NR3C2: variants seen among roughly 807,000 people sequenced by gnomAD.
NR3C2 encodes the protein mineralocorticoid receptor.
In NR3C2, 15 loss-of-function variants were observed where a neutral mutation model predicts 86.4. The observed-to-expected ratio is 0.17, with a 90% CI of 0.12 to 0.27. NR3C2 has a LOEUF of 0.27. Ranked by LOEUF, NR3C2 falls within the 10% of genes least tolerant of loss-of-function variation. NR3C2 has a pLI of 1.00. For missense variants in NR3C2, 960 were observed against 1,195.6 expected (o/e 0.80, Z 2.91); for synonymous variants, 458 against 450.5 (o/e 1.02, Z -0.21).
chr4:148,215,886 T>C (rs1579023458), intron 3 of NR3C2, among the ~76,000 whole-genome samples: 1 of 150,918 alleles, frequency 6.6e-6, no homozygotes, highest in African/African-American at 2.4e-5. Context: ...TTCAACCAAT[T>C]CCCCTGCCTC....
chr4:148,104,342 G>GTTTTGGTTTGGT (rs1731688382), intron 8 of NR3C2, among the ~76,000 whole-genome samples: 1 of 63,794 alleles, frequency 1.6e-5, no homozygotes, highest in African/African-American at 5.5e-5. Context: ...TTTTGGTTTG[G>GTTTTGGTTTGGT]TTTTTTTTTT....
At chr4:148,237,384 C>T (rs1489487455) in intron 3 of NR3C2, among the ~76,000 whole-genome samples, 1 of 152,132 alleles carries the variant, frequency 6.6e-6, no homozygotes. Context: ...TTTAGCTAGT[C>T]CTAGAATTTA....
chr4:148,382,783 A>G (rs1747064759), intron 2 of NR3C2, among the ~76,000 whole-genome samples: 1 of 152,192 alleles, frequency 6.6e-6, no homozygotes, highest in African/African-American at 2.4e-5. Flanking sequence ...CAACTAAGAG[A>G]TCTGTTTTGG....
chr4:148,180,818 G>T (rs1300435827), intron 4 of NR3C2, among the ~76,000 whole-genome samples: 1 of 152,086 alleles, frequency 6.6e-6, no homozygotes, highest in Non-Finnish European at 1.5e-5. Context: ...GCATTATGTG[G>T]ATGTATTCTA....
chr4:148,445,312 C>T (rs551887671), upstream of NR3C2, among the ~76,000 whole-genome samples: 5 of 151,776 alleles, frequency 3.3e-5, 1 homozygote, highest in South Asian at 1.0e-3. Context: ...GGCTGCCCAC[C>T]CCGCCAGGCT....
chr4:148,423,005 T>C (rs146567105), intron 2 of NR3C2, among the ~76,000 whole-genome samples: 6 of 152,278 alleles, frequency 3.9e-5, no homozygotes, highest in Non-Finnish European at 7.4e-5. Context: ...AGTCATGTAG[T>C]GGAAAAGGAA....
chr4:148,344,322 T>C (rs533816963), intron 2 of NR3C2, among the ~76,000 whole-genome samples: 1 of 152,256 alleles, frequency 6.6e-6, no homozygotes, highest in East Asian at 1.9e-4. Flanking sequence ...ATACTGGAAT[T>C]ATAAGTAACG....
intron 2 of NR3C2, among the ~76,000 whole-genome samples, chr4:148,294,196 C>A (rs75208784): frequency 0.03 from 4,588 of 152,262 alleles, 105 homozygotes; most frequent in African/African-American, 0.064. Flanking sequence ...TACTACCTCA[C>A]AGCCACAGTT....
intron 6 of NR3C2, among the ~76,000 whole-genome samples, chr4:148,133,991 C>T (rs965277259): frequency 1.3e-5 from 2 of 152,194 alleles, no homozygotes; most frequent in African/African-American, 4.8e-5. Context: ...TTATCATAGA[C>T]ACTATTAAAT....
chr4:148,253,485 A>T (rs927850981), intron 3 of NR3C2, among the ~76,000 whole-genome samples: 1 of 152,200 alleles, frequency 6.6e-6, no homozygotes, highest in African/African-American at 2.4e-5. Flanking sequence ...TCAATGTTCT[A>T]GACTTATGTT....
At chr4:148,249,541 G>A (rs1437158762) in intron 3 of NR3C2, among the ~76,000 whole-genome samples, 1 of 152,146 alleles carries the variant, frequency 6.6e-6, no homozygotes, top group Admixed American at 6.5e-5. Context: ...TGTTTTCGCT[G>A]TTAGAAAAGT....
chr4:148,431,858 C>T (rs1560732401), intron 2 of NR3C2, among the ~76,000 whole-genome samples: 1 of 152,068 alleles, frequency 6.6e-6, no homozygotes, highest in Non-Finnish European at 1.5e-5. Context: ...GAGAACAGAC[C>T]AGCAGTTCTC....
chr4:148,327,650 C>T lies in NR3C2; in HGVS notation c.1758-67533G>A, dbSNP rs543136511. Among the ~76,000 whole-genome samples the T allele has an allele frequency of 3.9e-5, 6 of 152,278 alleles. No homozygotes were observed. In the South Asian group the frequency reaches 1.0e-3, roughly 26 times the overall value. ...GAGTGATGGAACAGTAGTGCATATG[C>T]TTGAACAAAGGGCTTGAACAAGAGT... On this transcript the variant is annotated intron_variant, in intron 2 of 8. Transcript: ENST00000358102.
chr4:148,209,163 G>T (rs1161970585), intron 3 of NR3C2, among the ~76,000 whole-genome samples: 4 of 150,572 alleles, frequency 2.7e-5, no homozygotes, highest in Non-Finnish European at 4.4e-5. Context: ...AGAATGGCGT[G>T]AACCCAGGAG....
Position 148,435,419 on chromosome 4 carries a change from T to G in NR3C2, c.1442A>C (p.Asp481Ala). 1 of 1,614,106 alleles carries G rather than the reference T, an allele frequency of 6.2e-7. No homozygotes were observed. The highest frequency in any genetic ancestry group is 1.1e-5 in the South Asian group (1 of 91,074). ...GILGPPVPGFDGNCEGSGFPV... is the reference protein window; with the variant it reads ...GILGPPVPGFAGNCEGSGFPV... ...GAATCCGCTGCCTTCACAGTTACCA[T>G]CAAAGCCGGGCACAGGTGGTCCTAA... Residue 481 changes from aspartate to alanine, a missense_variant, in exon 2 of 9, where the codon GAT (aspartate) becomes GCT (alanine). Physicochemically the swap from Asp to Ala is moderately radical, Grantham distance 126. This residue lies in a region of NR3C2 where 680 missense variants were observed against 719.0 expected (regional missense o/e 0.95). Transcript: ENST00000358102.
At chr4:148,150,557 TG>T (rs1480743635) in intron 6 of NR3C2, among the ~76,000 whole-genome samples, 1 of 152,150 alleles carries the variant, frequency 6.6e-6, no homozygotes, top group Non-Finnish European at 1.5e-5. Context: ...ATGCAAAACA[TG>T]TGGCAATAAA....
At chr4:148,350,899 G>T (rs1745240803) in intron 2 of NR3C2, among the ~76,000 whole-genome samples, 1 of 152,120 alleles carries the variant, frequency 6.6e-6, no homozygotes, top group African/African-American at 2.4e-5. Context: ...TTGAGAGAAA[G>T]AAACTACATT....
At chr4:148,252,089 G>A (rs955074689) in intron 3 of NR3C2, among the ~76,000 whole-genome samples, 4 of 152,098 alleles carry the variant, frequency 2.6e-5, no homozygotes, top group Admixed American at 6.6e-5. Context: ...CTACATGCAC[G>A]ACTCAGTGGA....
At chr4:148,221,117 C>T (rs144780331) in intron 3 of NR3C2, among the ~76,000 whole-genome samples, 1 of 152,362 alleles carries the variant, frequency 6.6e-6, no homozygotes, top group East Asian at 1.9e-4. Context: ...AACAGACCGC[C>T]TCTGCGATTA....
Sources: gnomAD v4.1 joint callset for allele counts (sites outside exome capture counted in the v4.1 genomes callset) on GRCh38, gnomAD v4.1.1 for gene constraint, gnomAD v4.1.1 regional missense constraint, MANE v1.5 for transcripts, NCBI Gene and HGNC (gene_info 2026-07-23, HGNC 2026-07-21) for gene names.